RHOT1: variants seen among roughly 807,000 people sequenced by gnomAD.
RHOT1 encodes mitochondrial Rho GTPase 1.
RHOT1 carries 27 observed loss-of-function variants against 95.3 expected under a neutral mutation model. The observed-to-expected ratio is 0.28, with a 90% CI of 0.21 to 0.39. The LOEUF is 0.39. Ranked by LOEUF, RHOT1 falls within the 10% of genes least tolerant of loss-of-function variation. The probability of loss-of-function intolerance (pLI) is 1.00; values close to 1 mark genes in which losing one functional copy is unlikely to be tolerated. For missense variants in RHOT1, 578 were observed against 786.7 expected, an observed-to-expected ratio of 0.73 and a Z score of 3.17; for synonymous variants, 227 against 263.5, an observed-to-expected ratio of 0.86 and a Z score of 1.34.
chr17:32,173,797 G>A lies in RHOT1; in HGVS notation c.97-34G>A, dbSNP rs1247634171. ...AGTTTGAGTGATAATATTCAAAGGT[G>A]TTTTTTTTTTTCTATATTTGTTTGT... On this transcript the variant is annotated intron_variant, in intron 2 of 19. Transcript: ENST00000545287. 4.1e-5 allele frequency: 45 copies of A among 1,085,116 alleles called. No individual in the cohort carries two copies. In the Admixed American group the frequency reaches 9.4e-4, roughly 23 times the overall value. 67.2% of individuals were successfully genotyped at this position (1,085,116 alleles called of 1,614,324 possible).
chr17:32,179,162 A>G, intron 6 of RHOT1: 1 of 145,428 alleles, frequency 6.9e-6, no homozygotes, highest in Non-Finnish European at 1.4e-5. Flanking sequence ...GGAAGTGAGG[A>G]GCACCTCTGC....
intron 18 of RHOT1, chr17:32,209,423 T>G: frequency 6.2e-7 from 1 of 1,609,926 alleles, no homozygotes; most frequent in Non-Finnish European, 8.5e-7. Context: ...GAGAAAAATC[T>G]GGGTCTTTCT....
chr17:32,165,079 G>A (rs1346935931), intron 1 of RHOT1, among the ~76,000 whole-genome samples: 14 of 151,402 alleles, frequency 9.2e-5, no homozygotes, highest in Non-Finnish European at 1.9e-4. Flanking sequence ...GGTGGCTTAC[G>A]CCTGTAATCC....
chr17:32,204,543 G>GA (rs58323302), intron 16 of RHOT1, among the ~76,000 whole-genome samples: 1,442 of 54,774 alleles, frequency 0.026, 36 homozygotes, highest in African/African-American at 0.062. Flanking sequence ...TCCATCTCCA[G>GA]AAAAAAAAAA....
At chr17:32,222,645 T>C (rs140454147) in intron 19 of RHOT1, among the ~76,000 whole-genome samples, 1 of 152,288 alleles carries the variant, frequency 6.6e-6, no homozygotes, top group African/African-American at 2.4e-5. Context: ...AGATCCATCA[T>C]ATAGGGTGGC....
At chr17:32,217,768 A>G (rs2038570731) in intron 19 of RHOT1, among the ~76,000 whole-genome samples, 1 of 151,584 alleles carries the variant, frequency 6.6e-6, no homozygotes, top group African/African-American at 2.4e-5. Flanking sequence ...AAAAAAAAAG[A>G]AAGAAAGAAA....
At chr17:32,207,976 C>T (rs1200041820) in intron 17 of RHOT1, 131 bp from the exon 18 acceptor site, 4 of 723,868 alleles carry the variant, frequency 5.5e-6, no homozygotes, top group Admixed American at 5.0e-5. Context: ...CAATCTTTGC[C>T]TTTTGGTTCA....
At chr17:32,170,689 A>G (rs1183336674) in intron 1 of RHOT1, among the ~76,000 whole-genome samples, 5 of 152,218 alleles carry the variant, frequency 3.3e-5, no homozygotes, top group Non-Finnish European at 5.9e-5. Flanking sequence ...GCCCAAATGC[A>G]TAATTAAGTG....
chr17:32,160,890 C>T (rs568417942), intron 1 of RHOT1, among the ~76,000 whole-genome samples: 60 of 152,132 alleles, frequency 3.9e-4, no homozygotes, highest in Non-Finnish European at 7.3e-4. Context: ...GTGGGTGGAA[C>T]GAGCCCAGTG....
Position 32,211,257 on chromosome 17 carries a change from TG to T in RHOT1, c.1862+22del. On this transcript the variant is annotated intron_variant, in intron 19 of 19. Transcript: ENST00000545287. ...TTAACAGGTTCTTAACTTTATTTAC[TG>T]GGTACCAGGCATTCTGTTAAAATAC... 1.3e-6 allele frequency: 2 copies of T among 1,591,670 alleles called. No individual in the cohort carries two copies. Among genetic ancestry groups the T allele is most frequent in the Middle Eastern group, 1.7e-4 (1 of 5,924 alleles).
At chr17:32,221,013 T>A in intron 19 of RHOT1, 1 of 909,218 alleles carries the variant, frequency 1.1e-6, no homozygotes, top group Non-Finnish European at 1.3e-6. Flanking sequence ...TTTCTATAAG[T>A]CATTTTGAAA....
chr17:32,202,689 A>G (rs2037410125), intron 14 of RHOT1, 81 bp from the exon 15 acceptor site: 1 of 996,342 alleles, frequency 1.0e-6, no homozygotes. Context: ...GCAATGCCCT[A>G]TTTTGCAAAA....
At chr17:32,180,512 A>G (rs935745540) in intron 6 of RHOT1, among the ~76,000 whole-genome samples, 1 of 151,966 alleles carries the variant, frequency 6.6e-6, no homozygotes, top group African/African-American at 2.4e-5. Context: ...AGGGACACAA[A>G]CACTGTGTAG....
intron 1 of RHOT1, among the ~76,000 whole-genome samples, chr17:32,169,812 C>T (rs752079520): frequency 2.0e-5 from 3 of 151,934 alleles, no homozygotes; most frequent in Non-Finnish European, 2.9e-5. Context: ...TTGAGACCAT[C>T]CTGGGCGACA....
intron 1 of RHOT1, among the ~76,000 whole-genome samples, chr17:32,150,142 G>C (rs1315369708): frequency 1.3e-5 from 2 of 152,172 alleles, no homozygotes; most frequent in Admixed American, 6.5e-5. Context: ...GTTAGGTAGG[G>C]AGGCCCTAAG....
At chr17:32,196,939 T>C (rs1261671195) in intron 11 of RHOT1, among the ~76,000 whole-genome samples, 2 of 151,900 alleles carry the variant, frequency 1.3e-5, no homozygotes, top group African/African-American at 4.8e-5. Flanking sequence ...CTGGCCAACA[T>C]GGCGAAAACC....
intron 19 of RHOT1, among the ~76,000 whole-genome samples, chr17:32,217,584 A>G (rs112000835): frequency 0.049 from 7,375 of 151,852 alleles, 577 homozygotes; most frequent in African/African-American, 0.16. Context: ...GTGAAACCCC[A>G]TCTCTACTAA....
intron 19 of RHOT1, among the ~76,000 whole-genome samples, chr17:32,219,376 C>T (rs182059643): frequency 6.6e-6 from 1 of 152,280 alleles, no homozygotes; most frequent in East Asian, 1.9e-4. Context: ...AGCCCTCCAA[C>T]TTCAGCCCCC....
At chr17:32,159,419 C>T (rs61153161) in intron 1 of RHOT1, 5,203 of 152,760 alleles carry the variant, frequency 0.034, 300 homozygotes, top group African/African-American at 0.12. Context: ...AGCGGTGCCG[C>T]GCTCCATGGA....
Sources: allele counts gnomAD v4.1 joint callset (sites outside exome capture counted in the v4.1 genomes callset), GRCh38; gene constraint gnomAD v4.1.1; transcripts MANE v1.5; gene names NCBI Gene and HGNC (gene_info 2026-07-23, HGNC 2026-07-21).